Variants in TENM3 observed in about 807,000 individuals in gnomAD.
TENM3 encodes teneurin-3.
TENM3 carries 63 observed loss-of-function variants against 255.1 expected under a neutral mutation model. The observed-to-expected ratio is 0.25, with a 90% CI of 0.20 to 0.30. TENM3 has a LOEUF of 0.30. Among genes scored for constraint, TENM3 ranks in the 10% least tolerant of loss-of-function variants. The pLI is 1.00. For missense variants in TENM3, 2,929 were observed against 3,461.1 expected (o/e 0.85, Z 3.86); for synonymous variants, 1,306 against 1,322.3 (o/e 0.99, Z 0.27).
rs551530371 is a variant in TENM3, at chr4:182,196,879, T to C, written c.-76+52125T>C. ...CATGGCTTCTTTTGACTAGAATTCC[T>C]GCACTGGTCCTTCTTGTTTCCTTTC... is the stretch of plus-strand genomic sequence containing the variant. On this transcript the variant is annotated intron_variant, in intron 1 of 2. Transcript: ENST00000512480. Among the ~76,000 whole-genome samples, 6 of 152,332 alleles carry C rather than the reference T, an allele frequency of 3.9e-5. No individual in the cohort carries two copies. In the South Asian group the frequency reaches 1.2e-3, roughly 32 times the overall value.
the TENM3 span, among the ~76,000 whole-genome samples, chr4:182,031,869 G>A: frequency 0.025 from 3,805 of 152,082 alleles, 153 homozygotes; most frequent in African/African-American, 0.086. Flanking sequence ...TTGCTGATGT[G>A]TAGGAATGCT....
intron 13 of TENM3, among the ~76,000 whole-genome samples, chr4:182,719,260 T>TTC (rs1759472136): frequency 8.1e-6 from 1 of 123,790 alleles, no homozygotes; most frequent in Non-Finnish European, 1.7e-5. Context: ...TTCTTTTTTT[T>TTC]TTTTTTTTTT....
intron 3 of TENM3, among the ~76,000 whole-genome samples, chr4:182,498,480 T>C (rs1484784383): frequency 3.3e-5 from 5 of 152,146 alleles, no homozygotes; most frequent in South Asian, 4.1e-4. Context: ...TGGTACCCAA[T>C]TGGGCAGTTT....
At chr4:182,557,057 C>T (rs927550538) in intron 3 of TENM3, among the ~76,000 whole-genome samples, 1 of 152,182 alleles carries the variant, frequency 6.6e-6, no homozygotes, top group East Asian at 1.9e-4. Context: ...TTTTCTTCTT[C>T]TACAAGATTG....
At chr4:182,296,959 C>G (rs753585581) in intron 1 of TENM3, among the ~76,000 whole-genome samples, 2 of 152,050 alleles carry the variant, frequency 1.3e-5, no homozygotes, top group African/African-American at 4.8e-5. Flanking sequence ...GATACTAGAA[C>G]GAGAAGACAT....
At chr4:181,737,286 C>T in the TENM3 span, among the ~76,000 whole-genome samples, 1 of 152,148 alleles carries the variant, frequency 6.6e-6, no homozygotes, top group East Asian at 1.9e-4. Flanking sequence ...AGTTCTCATT[C>T]AGGAAAATGC....
intron 15 of TENM3, 123 bp downstream of exon 15, chr4:182,730,442 C>T: frequency 9.2e-7 from 1 of 1,089,068 alleles, no homozygotes; most frequent in Non-Finnish European, 1.3e-6. Context: ...TTAGACTCTA[C>T]AAACTTGTGA....
At chr4:181,537,845 TTGTC>T in the TENM3 span, among the ~76,000 whole-genome samples, 1 of 152,220 alleles carries the variant, frequency 6.6e-6, no homozygotes, top group Non-Finnish European at 1.5e-5. Context: ...AATCCTGTCT[TTGTC>T]TGCATTAATT....
intron 22 of TENM3, among the ~76,000 whole-genome samples, chr4:182,757,295 G>C (rs1279297955): frequency 4.2e-5 from 5 of 118,662 alleles, no homozygotes; most frequent in African/African-American, 1.6e-4. Flanking sequence ...CTGGGTGACA[G>C]AGTGAGACTC....
chr4:182,346,068 TATACATACATACATAC>T (rs60234584), intron 2 of TENM3, among the ~76,000 whole-genome samples: 6 of 149,362 alleles, frequency 4.0e-5, no homozygotes, highest in South Asian at 2.2e-4. Context: ...CACACACATA[TATACATACATACATAC>T]ATACATACAT....
At chr4:182,405,898 C>T (rs1449441564) in intron 3 of TENM3, among the ~76,000 whole-genome samples, 5 of 152,054 alleles carry the variant, frequency 3.3e-5, no homozygotes, top group African/African-American at 7.3e-5. Flanking sequence ...AGGCTTGGGT[C>T]GGGAGGGAGC....
intron 22 of TENM3, among the ~76,000 whole-genome samples, chr4:182,760,123 A>G (rs1763032972): frequency 1.3e-5 from 2 of 152,120 alleles, no homozygotes. Flanking sequence ...GACCCCAACT[A>G]GCTAACAGGG....
At chr4:182,100,808 C>CTCATAT in the TENM3 span, among the ~76,000 whole-genome samples, 1 of 3,872 alleles carries the variant, frequency 2.6e-4, no homozygotes, top group African/African-American at 5.2e-4. Flanking sequence ...CATATATATA[C>CTCATAT]ACATATATAT....
the TENM3 span, among the ~76,000 whole-genome samples, chr4:181,887,689 G>A: frequency 2.0e-5 from 3 of 152,216 alleles, no homozygotes; most frequent in South Asian, 2.1e-4. Flanking sequence ...TTCTGCACAC[G>A]CTCTGATCAG....
intron 12 of TENM3, among the ~76,000 whole-genome samples, chr4:182,704,028 G>GT (rs1378935601): frequency 2.6e-5 from 4 of 151,492 alleles, no homozygotes; most frequent in Admixed American, 6.6e-5. Flanking sequence ...TTGTATTATA[G>GT]TTTTTTTTAA....
intron 12 of TENM3, among the ~76,000 whole-genome samples, chr4:182,690,324 TCATGTGAACTA>T: frequency 6.6e-6 from 1 of 152,328 alleles, no homozygotes; most frequent in East Asian, 1.9e-4. Context: ...AGCAGGTTGT[TCATGTGAACTA>T]CATTAAGGCA....
chr4:181,918,575 T>C, the TENM3 span, among the ~76,000 whole-genome samples: 1 of 152,218 alleles, frequency 6.6e-6, no homozygotes, highest in Admixed American at 6.5e-5. Context: ...TTCCCAATAA[T>C]GGAGTTATTT....
At chr4:182,612,118 A>T (rs1012644992) in intron 4 of TENM3, among the ~76,000 whole-genome samples, 3 of 151,942 alleles carry the variant, frequency 2.0e-5, no homozygotes, top group Non-Finnish European at 2.9e-5. Context: ...AAATACAAAA[A>T]AAAATTAGCC....
At chr4:181,497,686 C>T in the TENM3 span, among the ~76,000 whole-genome samples, 4 of 152,080 alleles carry the variant, frequency 2.6e-5, no homozygotes, top group African/African-American at 9.7e-5. Flanking sequence ...ACTTCAGTAC[C>T]TATTGTCCTT....
Sources: allele counts gnomAD v4.1 joint callset (sites outside exome capture counted in the v4.1 genomes callset), GRCh38; gene constraint gnomAD v4.1.1; transcripts MANE v1.5; gene names NCBI Gene and HGNC (gene_info 2026-07-23, HGNC 2026-07-21).